The following TNFSF4 variants were observed in gnomAD, a reference collection of about 807,000 sequenced individuals.
TNFSF4 encodes TNF superfamily member 4, also known as tumor necrosis factor ligand superfamily member 4.
A neutral mutation model predicts 7.3 loss-of-function variants in TNFSF4; 4 were observed. The ratio of observed to expected loss-of-function variants is 0.55; its 90% confidence interval spans 0.27 to 1.25. The LOEUF is 1.25. TNFSF4 is among the 50% of genes most tolerant of loss of function. TNFSF4 has a pLI of 0.12. For missense variants in TNFSF4, 181 were observed against 208.8 expected (o/e 0.87, Z 0.82); for synonymous variants, 76 against 83.7 (o/e 0.91, Z 0.50).
the TNFSF4 span, among the ~76,000 whole-genome samples, chr1:173,335,516 T>A: frequency 6.6e-6 from 1 of 152,124 alleles, no homozygotes; most frequent in Non-Finnish European, 1.5e-5. Context: ...ATTACCATAA[T>A]AAACAGCAGA....
the TNFSF4 span, among the ~76,000 whole-genome samples, chr1:173,277,330 A>G: frequency 6.6e-6 from 1 of 152,150 alleles, no homozygotes; most frequent in Non-Finnish European, 1.5e-5. Flanking sequence ...TAAATACAGC[A>G]TTGAGGGAAA....
At chr1:173,308,317 G>GTGTC in the TNFSF4 span, among the ~76,000 whole-genome samples, 4 of 151,090 alleles carry the variant, frequency 2.6e-5, no homozygotes, top group African/African-American at 9.7e-5. Flanking sequence ...GTGTGTCTGT[G>GTGTC]TGTGTGTGTG....
the TNFSF4 span, among the ~76,000 whole-genome samples, chr1:173,212,623 C>T: frequency 6.7e-6 from 1 of 150,186 alleles, no homozygotes; most frequent in Non-Finnish European, 1.5e-5. Flanking sequence ...TATTTGGTAG[C>T]ACAATAGGGT....
the TNFSF4 span, among the ~76,000 whole-genome samples, chr1:173,444,357 C>T: frequency 0.95 from 144,568 of 152,122 alleles, 69,171 homozygotes; most frequent in East Asian, 1. Flanking sequence ...ATGATGAGTG[C>T]TTTTTTTTCT....
the TNFSF4 span, among the ~76,000 whole-genome samples, chr1:173,355,305 C>T: frequency 6.6e-6 from 1 of 152,180 alleles, no homozygotes; most frequent in African/African-American, 2.4e-5. Flanking sequence ...GTCCCTTTTG[C>T]TATATAAGGT....
chr1:173,448,254 T>C, the TNFSF4 span, among the ~76,000 whole-genome samples: 1 of 152,174 alleles, frequency 6.6e-6, no homozygotes, highest in Non-Finnish European at 1.5e-5. Context: ...CAACGTTATG[T>C]CCAGTTGACA....
chr1:173,221,405 A>G, the TNFSF4 span, among the ~76,000 whole-genome samples: 83 of 152,344 alleles, frequency 5.4e-4, no homozygotes, highest in African/African-American at 1.9e-3. Flanking sequence ...TAAGATGTAA[A>G]GTGGCCCAGA....
At chr1:173,428,525 T>A in the TNFSF4 span, among the ~76,000 whole-genome samples, 4 of 152,268 alleles carry the variant, frequency 2.6e-5, no homozygotes, top group Middle Eastern at 3.2e-3. Flanking sequence ...AGCTGATTTT[T>A]ATCTTAATTC....
At chr1:173,290,075 G>A in the TNFSF4 span, among the ~76,000 whole-genome samples, 1 of 152,016 alleles carries the variant, frequency 6.6e-6, no homozygotes, top group African/African-American at 2.4e-5. Context: ...ACCTGACCAG[G>A]TACATTATAA....
At chr1:173,402,626 C>G in the TNFSF4 span, among the ~76,000 whole-genome samples, 2 of 152,206 alleles carry the variant, frequency 1.3e-5, no homozygotes, top group South Asian at 4.1e-4. Flanking sequence ...TATTTCTCAT[C>G]AATCCTGCTT....
At position 173,186,421 on chromosome 1, in the gene TNFSF4, G is replaced by C; in HGVS notation, c.*95C>G. On this transcript the variant is annotated 3_prime_UTR_variant, in exon 3 of 3. Transcript: ENST00000281834. ...GTCACATCCCACGTGGCTGAGCTGG[G>C]AGGCTCCTTCACTTGCAATGAAGAA... The C allele has an allele frequency of 1.9e-6, 2 of 1,031,500 alleles. No homozygotes were observed. The highest frequency in any genetic ancestry group is 2.8e-6 in the Non-Finnish European group (2 of 708,372). 63.9% of individuals were successfully genotyped at this position (1,031,500 alleles called of 1,614,324 possible). A position where few individuals can be genotyped will look rare whatever the true frequency, so the allele number is the denominator to read the frequency against.
the TNFSF4 span, among the ~76,000 whole-genome samples, chr1:173,448,377 C>A: frequency 0.95 from 144,678 of 152,236 alleles, 69,231 homozygotes; most frequent in East Asian, 1. Context: ...AACAAACTTT[C>A]ACAAATTTGG....
the TNFSF4 span, among the ~76,000 whole-genome samples, chr1:173,237,237 T>C: frequency 6.6e-6 from 1 of 152,228 alleles, no homozygotes; most frequent in Non-Finnish European, 1.5e-5. Context: ...TGTGTCTTTA[T>C]TAGCAGCGTG....
the TNFSF4 span, among the ~76,000 whole-genome samples, chr1:173,445,181 C>T: frequency 6.6e-6 from 1 of 151,946 alleles, no homozygotes. Flanking sequence ...AAACTCTGGA[C>T]AAAATACAAA....
At chr1:173,341,844 A>G in the TNFSF4 span, among the ~76,000 whole-genome samples, 1 of 152,060 alleles carries the variant, frequency 6.6e-6, no homozygotes, top group Non-Finnish European at 1.5e-5. Context: ...CAACCTTACC[A>G]TTTCCTACCC....
At chr1:173,200,416 A>G (rs1383487985) in intron 1 of TNFSF4, among the ~76,000 whole-genome samples, 1 of 152,210 alleles carries the variant, frequency 6.6e-6, no homozygotes, top group Non-Finnish European at 1.5e-5. Flanking sequence ...GAATAATACC[A>G]TTCAACCTCC....
At chr1:173,288,976 ACT>A in the TNFSF4 span, among the ~76,000 whole-genome samples, 1 of 152,026 alleles carries the variant, frequency 6.6e-6, no homozygotes, top group African/African-American at 2.4e-5. Flanking sequence ...CCCTATGCCT[ACT>A]CTTGATTTCC....
At chr1:173,301,614 G>T in the TNFSF4 span, among the ~76,000 whole-genome samples, 2 of 151,646 alleles carry the variant, frequency 1.3e-5, no homozygotes, top group Non-Finnish European at 2.9e-5. Context: ...GCAAATATCT[G>T]TTGAACACCA....
the TNFSF4 span, among the ~76,000 whole-genome samples, chr1:173,253,817 A>C: frequency 6.6e-6 from 1 of 152,224 alleles, no homozygotes; most frequent in East Asian, 1.9e-4. Context: ...AGAAATTTCA[A>C]AGTTACCCTG....
Sources: allele counts gnomAD v4.1 joint callset (sites outside exome capture counted in the v4.1 genomes callset), GRCh38; gene constraint gnomAD v4.1.1; transcripts MANE v1.5; gene names NCBI Gene and HGNC (gene_info 2026-07-23, HGNC 2026-07-21).